Variants in SLC14A2 observed in about 807,000 individuals in gnomAD.
The protein encoded by SLC14A2 is urea transporter 2.
SLC14A2 carries 91 observed loss-of-function variants against 104.6 expected under a neutral mutation model. That is an observed-to-expected ratio of 0.87 (90% CI 0.73 to 1.04). The LOEUF (loss-of-function observed/expected upper bound fraction) is 1.04, where lower values mean the gene tolerates loss of function less well. Ranked by LOEUF, SLC14A2 falls within the 50% of genes least tolerant of loss-of-function variation. The pLI, the probability that SLC14A2 is intolerant of heterozygous loss-of-function variation, is 0.00. For missense variants in SLC14A2, 1,189 were observed against 1,156.0 expected, an observed-to-expected ratio of 1.03 and a Z score of -0.41; for synonymous variants, 476 against 466.4, an observed-to-expected ratio of 1.02 and a Z score of -0.27.
rs118086667 is a variant in SLC14A2 at position 45,218,590 on chromosome 18, C to T, written c.-125+5399C>T. 6.0e-3 allele frequency among the ~76,000 whole-genome samples: 912 copies of T among 152,308 alleles called. 8 individuals are homozygous for T. Among genetic ancestry groups the T allele is most frequent in the Non-Finnish European group, 9.7e-3 (661 of 68,030 alleles). On this transcript the variant is annotated intron_variant, in intron 1 of 20. Coordinates refer to the SLC14A2 transcript ENST00000586448. ...GTGGTACCCACCAGAAATAGCATTT[C>T]CTCTGAGGCAGTAAATAGTAATTCT...
intron 1 of SLC14A2, among the ~76,000 whole-genome samples, chr18:45,338,822 G>A (rs1263004180): frequency 2.0e-5 from 3 of 150,182 alleles, no homozygotes; most frequent in African/African-American, 7.4e-5. Context: ...CAATATTCTT[G>A]TGGCACAGTT....
At chr18:45,557,074 G>C (rs1251849647) in intron 2 of SLC14A2, among the ~76,000 whole-genome samples, 2 of 152,226 alleles carry the variant, frequency 1.3e-5, no homozygotes, top group East Asian at 1.9e-4. Flanking sequence ...GCCAATGCTA[G>C]CACAGCCAGC....
intron 2 of SLC14A2, among the ~76,000 whole-genome samples, chr18:45,556,829 T>C (rs1187738087): frequency 6.6e-6 from 1 of 152,164 alleles, no homozygotes; most frequent in African/African-American, 2.4e-5. Flanking sequence ...GGAGCTCCCA[T>C]AGGGGTACAT....
chr18:45,438,482 C>G (rs1186942191), intron 1 of SLC14A2: 1 of 152,146 alleles, frequency 6.6e-6, no homozygotes, highest in East Asian at 1.9e-4. Flanking sequence ...TTTGGGTGTT[C>G]ATACATGTGT....
rs190044238 is a variant in SLC14A2, at chr18:45,274,398, G to T, written c.-125+61207G>T. Among the ~76,000 whole-genome samples the T allele has an allele frequency of 6.6e-5, 10 of 152,258 alleles. No individual in the cohort carries two copies. In the East Asian group the frequency reaches 1.9e-3, roughly 29 times the overall value. Reference sequence around the variant, plus strand: ...TACTTTATTTTTGGAAGTCTTTGGGGTTAAATGATGCCTTGACCATTGTTT... The same window carrying T: ...TACTTTATTTTTGGAAGTCTTTGGGTTTAAATGATGCCTTGACCATTGTTT... On this transcript the variant is annotated intron_variant, in intron 1 of 20. Transcript: ENST00000586448.
rs531366886 is a variant in SLC14A2, at chr18:45,414,744, T to TAAA, written c.-124-68477_-124-68475dup. On this transcript the variant is annotated intron_variant, in intron 1 of 20. Transcript: ENST00000586448. Reference sequence around the variant, plus strand: ...CAGGTGCGGTGCAAGGCACCGAGCGTAAAAAAAAAAAAAATATATATATAT... The same window carrying TAAA: ...CAGGTGCGGTGCAAGGCACCGAGCGTAAAAAAAAAAAAAAAAATATATATATAT... 6.2e-3 allele frequency among the ~76,000 whole-genome samples: 325 copies of TAAA among 52,214 alleles called. 15 individuals carry two copies. The highest frequency in any genetic ancestry group is 0.022 in the African/African-American group (189 of 8,452). The allele number at this position is 52,214 out of a possible 152,430, so 34.3% of individuals were successfully genotyped here.
chr18:45,433,829 A>G (rs1213167246), intron 1 of SLC14A2, among the ~76,000 whole-genome samples: 1 of 152,116 alleles, frequency 6.6e-6, no homozygotes, highest in Non-Finnish European at 1.5e-5. Flanking sequence ...GAGGATGACA[A>G]TAGTTTTAAA....
At chr18:45,662,288 C>T (rs891102367) in intron 10 of SLC14A2, among the ~76,000 whole-genome samples, 3 of 152,064 alleles carry the variant, frequency 2.0e-5, no homozygotes, top group African/African-American at 7.2e-5. Context: ...GGTGACAGAG[C>T]AAGACTCCGT....
At chr18:45,563,007 T>A (rs565918454) in intron 2 of SLC14A2, among the ~76,000 whole-genome samples, 2 of 152,328 alleles carry the variant, frequency 1.3e-5, no homozygotes, top group South Asian at 2.1e-4. Flanking sequence ...TTAAAAAGTG[T>A]TTGGATTTTC....
intron 2 of SLC14A2, among the ~76,000 whole-genome samples, chr18:45,535,948 G>C (rs768096107): frequency 5.9e-5 from 9 of 152,136 alleles, no homozygotes. Context: ...CAATGAATGA[G>C]CAAGTAAAGA....
At chr18:45,272,698 A>G (rs2084663185) in intron 1 of SLC14A2, among the ~76,000 whole-genome samples, 1 of 152,150 alleles carries the variant, frequency 6.6e-6, no homozygotes, top group African/African-American at 2.4e-5. Context: ...TGGAAGCACA[A>G]TAGGGTGACT....
chr18:45,666,896 C>A (rs1315898430), intron 12 of SLC14A2, 39 bp from the exon 13 acceptor site: 2 of 1,581,644 alleles, frequency 1.3e-6, no homozygotes, highest in Non-Finnish European at 8.7e-7. Context: ...TAAGAACCAC[C>A]GAATGTGGGA....
intron 1 of SLC14A2, among the ~76,000 whole-genome samples, chr18:45,458,403 G>C (rs2086982860): frequency 6.6e-6 from 1 of 152,130 alleles, no homozygotes; most frequent in South Asian, 2.1e-4. Flanking sequence ...AACCCAGAGT[G>C]GCCTACAGCT....
the SLC14A2 span, among the ~76,000 whole-genome samples, chr18:45,185,061 G>A: frequency 1.3e-5 from 2 of 152,178 alleles, no homozygotes; most frequent in African/African-American, 4.8e-5. Flanking sequence ...TGAGAATGGT[G>A]CATCAATGAG....
chr18:45,430,998 G>A (rs1026167409), intron 1 of SLC14A2, among the ~76,000 whole-genome samples: 4 of 152,148 alleles, frequency 2.6e-5, no homozygotes, highest in Admixed American at 2.0e-4. Flanking sequence ...AAGGAAATGT[G>A]CAAAGATGAA....
At chr18:45,320,025 G>A (rs773371598) in intron 1 of SLC14A2, among the ~76,000 whole-genome samples, 13 of 152,144 alleles carry the variant, frequency 8.5e-5, no homozygotes, top group Non-Finnish European at 1.5e-4. Flanking sequence ...CCCAGGCGTT[G>A]GGAGACCAGA....
chr18:45,386,751 TG>T (rs1219414324), intron 1 of SLC14A2, among the ~76,000 whole-genome samples: 1 of 152,328 alleles, frequency 6.6e-6, no homozygotes, highest in Non-Finnish European at 1.5e-5. Flanking sequence ...CAACTGGCTG[TG>T]GGACCTCAAA....
At chr18:45,666,853 TC>T (rs1030445046) in intron 12 of SLC14A2, 81 bp from the exon 13 acceptor site, 1 of 1,170,520 alleles carries the variant, frequency 8.5e-7, no homozygotes, top group Non-Finnish European at 1.2e-6. Flanking sequence ...TCTTATTTGG[TC>T]CCTGAGTGAC....
chr18:45,186,728 T>A, the SLC14A2 span, among the ~76,000 whole-genome samples: 1 of 152,118 alleles, frequency 6.6e-6, no homozygotes, highest in East Asian at 1.9e-4. Flanking sequence ...ACCATTACAG[T>A]CATAAACTAG....
Sources: gnomAD v4.1 joint callset for allele counts (sites outside exome capture counted in the v4.1 genomes callset) on GRCh38, gnomAD v4.1.1 for gene constraint, MANE v1.5 for transcripts, NCBI Gene and HGNC (gene_info 2026-07-23, HGNC 2026-07-21) for gene names.